The following LARP1B variants were observed in gnomAD, a reference collection of about 807,000 sequenced individuals.
LARP1B encodes la-related protein 1B.
LARP1B carries 76 observed loss-of-function variants against 114.2 expected under a neutral mutation model. The ratio of observed to expected loss-of-function variants is 0.67; its 90% CI spans 0.55 to 0.81. The LOEUF (loss-of-function observed/expected upper bound fraction) is 0.81, where lower values mean the gene tolerates loss of function less well. Ranked by LOEUF, LARP1B falls within the 30% of genes least tolerant of loss-of-function variation. The pLI, the probability that LARP1B is intolerant of heterozygous loss-of-function variation, is 0.00. For synonymous variants in LARP1B, 345 were observed against 348.0 expected (o/e 0.99, Z 0.10); for missense variants, 1,014 against 1,075.8 (o/e 0.94, Z 0.80).
At chr4:128,155,458 C>T in intron 11 of LARP1B, 3 of 749,714 alleles carry the variant, frequency 4.0e-6, no homozygotes, top group Non-Finnish European at 7.2e-6. Context: ...CCCGCGCAGC[C>T]CCCCGGCCGC....
chr4:128,205,084 T>C (rs1382305643), intron 17 of LARP1B, among the ~76,000 whole-genome samples: 1 of 152,212 alleles, frequency 6.6e-6, no homozygotes, highest in East Asian at 1.9e-4. Flanking sequence ...GCTCAACCAG[T>C]AGCATCACTT....
chr4:128,148,816 G>A (rs1731437912), intron 11 of LARP1B, among the ~76,000 whole-genome samples: 1 of 151,964 alleles, frequency 6.6e-6, no homozygotes, highest in African/African-American at 2.4e-5. Flanking sequence ...TAGTAGAGAT[G>A]GGGTTTCACC....
chr4:128,196,500 C>G (rs1408480287), intron 15 of LARP1B, among the ~76,000 whole-genome samples: 1 of 151,566 alleles, frequency 6.6e-6, no homozygotes, highest in African/African-American at 2.4e-5. Flanking sequence ...GTCTGGGCGA[C>G]AGAGCAAGAC....
chr4:128,120,429 TAA>T (rs1338121154), intron 10 of LARP1B, among the ~76,000 whole-genome samples: 2 of 150,518 alleles, frequency 1.3e-5, no homozygotes, highest in Non-Finnish European at 2.9e-5. Context: ...ACTTTTAATG[TAA>T]ACCAACAACT....
chr4:128,063,427 CAAAAAAAAAAAAAAA>C (rs763868048), intron 1 of LARP1B, among the ~76,000 whole-genome samples: 5 of 13,212 alleles, frequency 3.8e-4, no homozygotes, highest in Non-Finnish European at 5.0e-4. Flanking sequence ...GACCCACTCT[CAAAAAAAAAAAAAAA>C]AAAAAAAAAA....
chr4:128,096,289 G>A (rs546824738), intron 7 of LARP1B, among the ~76,000 whole-genome samples: 9 of 152,134 alleles, frequency 5.9e-5, no homozygotes, highest in Admixed American at 5.2e-4. Context: ...CACCGCGCCC[G>A]GCCTATGGAG....
At chr4:128,191,292 G>C (rs1328773615) in intron 15 of LARP1B, among the ~76,000 whole-genome samples, 1 of 152,068 alleles carries the variant, frequency 6.6e-6, no homozygotes, top group Non-Finnish European at 1.5e-5. Context: ...GGATGTCATA[G>C]TTCCGTGTTT....
chr4:128,084,185 G>A (rs1216431919), intron 5 of LARP1B, among the ~76,000 whole-genome samples: 8 of 151,702 alleles, frequency 5.3e-5, no homozygotes, highest in African/African-American at 9.7e-5. Context: ...GACAATGGGC[G>A]GCCAGGCAGA....
chr4:128,178,280 CA>C, intron 13 of LARP1B, 150 bp from the exon 14 acceptor site: 1 of 594,996 alleles, frequency 1.7e-6, no homozygotes, highest in Non-Finnish European at 2.8e-6. Context: ...AGATAATGGT[CA>C]AAAAAGTATT....
At chr4:128,168,019 T>C (rs1362107211) in intron 12 of LARP1B, among the ~76,000 whole-genome samples, 1 of 152,080 alleles carries the variant, frequency 6.6e-6, no homozygotes, top group African/African-American at 2.4e-5. Context: ...ATCCACTTAT[T>C]AGTTGAAGGC....
At chr4:128,091,540 G>A (rs1775909844) in intron 7 of LARP1B, 28 bp downstream of exon 7, 3 of 1,540,046 alleles carry the variant, frequency 1.9e-6, no homozygotes, top group Non-Finnish European at 2.6e-6. Flanking sequence ...GTAAGCAGAC[G>A]GGATAGCAAA....
intron 9 of LARP1B, among the ~76,000 whole-genome samples, chr4:128,113,999 C>G (rs1238029647): frequency 2.0e-5 from 3 of 152,028 alleles, no homozygotes; most frequent in South Asian, 2.1e-4. Flanking sequence ...TTGGTCAGGC[C>G]AGTCGACACT....
chr4:128,062,790 G>A (rs1449538084), intron 1 of LARP1B, among the ~76,000 whole-genome samples: 1 of 150,016 alleles, frequency 6.7e-6, no homozygotes, highest in Non-Finnish European at 1.5e-5. Context: ...GGGAGGGATA[G>A]CATTAGGAGA....
intron 11 of LARP1B, among the ~76,000 whole-genome samples, chr4:128,155,204 C>T (rs966929650): frequency 6.6e-6 from 1 of 152,174 alleles, no homozygotes; most frequent in Non-Finnish European, 1.5e-5. Flanking sequence ...GGTTGTGCAT[C>T]CAGTTGTGGT....
rs941449788 is a variant in LARP1B at position 128,209,090 on chromosome 4, T to C, written c.2548-766T>C. On this transcript the variant is annotated intron_variant, in intron 19 of 19. Coordinates refer to ENST00000326639, the MANE Select transcript of LARP1B (RefSeq NM_018078.4). Reference sequence around the variant, plus strand: ...AGCCTTATAGTTATGCCCCATCAGATAGCTCAGGCCCTAAAAAATGAGAGA... The same window carrying C: ...AGCCTTATAGTTATGCCCCATCAGACAGCTCAGGCCCTAAAAAATGAGAGA... 6.8e-4 allele frequency among the ~76,000 whole-genome samples: 103 copies of C among 152,126 alleles called. 1 individual carries two copies. The highest frequency in any genetic ancestry group is 2.1e-4 in the Non-Finnish European group (14 of 68,002).
intron 12 of LARP1B, among the ~76,000 whole-genome samples, chr4:128,166,930 T>TTCTCTCTCTCTC (rs56916317): frequency 9.7e-6 from 1 of 103,088 alleles, no homozygotes; most frequent in Admixed American, 1.1e-4. Flanking sequence ...TTATATTCTA[T>TTCTCTCTCTCTC]TCTCTCTCTC....
intron 8 of LARP1B, among the ~76,000 whole-genome samples, chr4:128,105,204 T>TA (rs1218727194): frequency 6.6e-6 from 1 of 152,184 alleles, no homozygotes; most frequent in Admixed American, 6.5e-5. Context: ...TTCATTATTC[T>TA]AAAAACTTCC....
intron 11 of LARP1B, chr4:128,122,830 A>G: frequency 9.4e-7 from 1 of 1,062,542 alleles, no homozygotes. Flanking sequence ...CTAGTTATTA[A>G]GGTAAAATAG....
chr4:128,107,494 G>T, intron 9 of LARP1B, 181 bp downstream of exon 9: 1 of 1,417,352 alleles, frequency 7.1e-7, no homozygotes, highest in East Asian at 2.5e-5. Context: ...ATTAAATAAG[G>T]ATTTAAGAAT....
Sources: allele counts gnomAD v4.1 joint callset (sites outside exome capture counted in the v4.1 genomes callset), GRCh38; gene constraint gnomAD v4.1.1; transcripts MANE v1.5; gene names NCBI Gene and HGNC (gene_info 2026-07-23, HGNC 2026-07-21).